ITGB3BP: variants seen among roughly 807,000 people sequenced by gnomAD.
ITGB3BP encodes the protein centromere protein R.
In ITGB3BP, 27 loss-of-function variants were observed where a neutral mutation model predicts 29.1. The observed-to-expected ratio is 0.93, with a 90% CI of 0.68 to 1.28. The LOEUF (loss-of-function observed/expected upper bound fraction) is 1.28. Ranked by LOEUF, ITGB3BP falls within the 50% of genes most tolerant of loss-of-function variation. The pLI is 0.00. For synonymous variants in ITGB3BP, 61 were observed against 61.4 expected, an observed-to-expected ratio of 0.99 and a Z score of 0.03; for missense variants, 192 against 200.2, an observed-to-expected ratio of 0.96 and a Z score of 0.25.
intron 4 of ITGB3BP, among the ~76,000 whole-genome samples, chr1:63,475,860 T>C (rs1645329334): frequency 6.6e-6 from 1 of 151,702 alleles, no homozygotes; most frequent in Non-Finnish European, 1.5e-5. Flanking sequence ...TAGCCGTGCA[T>C]GGTAGCGGGT....
intron 4 of ITGB3BP, chr1:63,458,077 A>G (rs1188668969): frequency 6.6e-6 from 1 of 152,180 alleles, no homozygotes; most frequent in African/African-American, 2.4e-5. Flanking sequence ...CACATTCCTC[A>G]AAGAAAAAGT....
At chr1:63,488,184 A>G (rs887826347) in intron 3 of ITGB3BP, among the ~76,000 whole-genome samples, 11 of 152,118 alleles carry the variant, frequency 7.2e-5, no homozygotes, top group African/African-American at 2.7e-4. Flanking sequence ...TAGAAAGTAC[A>G]TATAAATATC....
intron 4 of ITGB3BP, among the ~76,000 whole-genome samples, chr1:63,464,215 T>C (rs1645065267): frequency 2.0e-5 from 3 of 152,194 alleles, no homozygotes; most frequent in South Asian, 4.1e-4. Context: ...TTCAAATGAA[T>C]ACTTCTTCAA....
Position 63,454,924 on chromosome 1 carries a change from A to C in ITGB3BP, c.299T>G (p.Ile100Ser). ...ACTTAAATTTTGCATTATCTCCATG[A>C]TTTCTTCTGACAATTTCTCAACTTT... is the stretch of plus-strand genomic sequence containing the variant. ...LSKVEKLSEE[I>S]MEIMQNLSSI... is the part of the protein sequence containing the mutation. The change falls in exon 5 of 9, where the codon ATC becomes AGC. Residue 100 changes from isoleucine to serine, a missense_variant. Physicochemically the swap from Ile to Ser is moderately radical, Grantham distance 142. Transcript: ENST00000271002. The surrounding 1 kb of genome is among the most constrained non-coding windows in gnomAD (Gnocchi z 4.1). 1 of 1,567,556 alleles carries C rather than the reference A, an allele frequency of 6.4e-7. No homozygotes were observed. Among genetic ancestry groups the C allele is most frequent in the Non-Finnish European group, 8.8e-7 (1 of 1,138,980 alleles).
chr1:63,514,944 CAAAAAA>C (rs55738892), intron 1 of ITGB3BP, among the ~76,000 whole-genome samples: 7 of 117,102 alleles, frequency 6.0e-5, no homozygotes, highest in Admixed American at 2.5e-4. Flanking sequence ...GACTCTGTCT[CAAAAAA>C]AAAAAAAAAA....
At chr1:63,525,283 T>C (rs1426916312), upstream of ITGB3BP, among the ~76,000 whole-genome samples, 1 of 152,164 alleles carries the variant, frequency 6.6e-6, no homozygotes, top group African/African-American at 2.4e-5. Flanking sequence ...TTTTGGCTAT[T>C]ATCACATATT....
chr1:63,474,545 G>A (rs1645295220), intron 4 of ITGB3BP, among the ~76,000 whole-genome samples: 2 of 150,406 alleles, frequency 1.3e-5, no homozygotes, highest in South Asian at 4.2e-4. Context: ...ATTTTGTTCT[G>A]TACTAAGAAA....
intron 4 of ITGB3BP, among the ~76,000 whole-genome samples, chr1:63,466,009 C>CT (rs1314614504): frequency 2.0e-5 from 3 of 152,026 alleles, no homozygotes; most frequent in Non-Finnish European, 4.4e-5. Context: ...GTAAGAATGA[C>CT]TAACAATGAT....
chr1:63,477,137 G>A (rs879896595), intron 4 of ITGB3BP, among the ~76,000 whole-genome samples: 7 of 152,172 alleles, frequency 4.6e-5, no homozygotes, highest in Non-Finnish European at 8.8e-5. Flanking sequence ...AGATGGAGGA[G>A]ATGCCAAACA....
At chr1:63,482,052 T>C (rs1473205953) in intron 3 of ITGB3BP, among the ~76,000 whole-genome samples, 2 of 151,794 alleles carry the variant, frequency 1.3e-5, no homozygotes. Flanking sequence ...GCAGGTGGAT[T>C]GCCTGAGCTC....
At chr1:63,444,269 C>A (rs1451564982) in intron 8 of ITGB3BP, among the ~76,000 whole-genome samples, 1 of 152,038 alleles carries the variant, frequency 6.6e-6, no homozygotes, top group Admixed American at 6.6e-5. Flanking sequence ...CAGAGATTAT[C>A]AAACACTAAA....
intron 4 of ITGB3BP, among the ~76,000 whole-genome samples, chr1:63,463,893 G>A (rs921247054): frequency 3.3e-5 from 5 of 152,172 alleles, no homozygotes; most frequent in South Asian, 2.1e-4. Flanking sequence ...ATTTCAGGAC[G>A]TATTCATCAG....
intron 1 of ITGB3BP, among the ~76,000 whole-genome samples, chr1:63,520,518 CAA>C (rs2100833830): frequency 6.6e-6 from 1 of 152,008 alleles, no homozygotes; most frequent in East Asian, 1.9e-4. Context: ...TCCAAAGGAT[CAA>C]AGAGAAGGCA....
chr1:63,465,990 T>G (rs1432861204), intron 4 of ITGB3BP, among the ~76,000 whole-genome samples: 1 of 152,170 alleles, frequency 6.6e-6, no homozygotes, highest in Non-Finnish European at 1.5e-5. Context: ...ACCCAAGATG[T>G]TTTTATCTGT....
intron 4 of ITGB3BP, among the ~76,000 whole-genome samples, chr1:63,466,782 C>T (rs1324665447): frequency 6.6e-6 from 1 of 152,148 alleles, no homozygotes; most frequent in Admixed American, 6.5e-5. Flanking sequence ...ACAAAAAATA[C>T]CTTACTTGTA....
chr1:63,472,157 C>A (rs1366568893), intron 4 of ITGB3BP, among the ~76,000 whole-genome samples: 1 of 151,402 alleles, frequency 6.6e-6, no homozygotes, highest in African/African-American at 2.4e-5. Flanking sequence ...TTGGCATTTC[C>A]ATTATTTTTC....
intron 8 of ITGB3BP, among the ~76,000 whole-genome samples, chr1:63,446,342 T>C (rs1226556506): frequency 6.6e-6 from 1 of 152,234 alleles, no homozygotes; most frequent in Non-Finnish European, 1.5e-5. Context: ...CAATAGGAAT[T>C]GTTCTGAAGG....
chr1:63,503,988 C>T lies in ITGB3BP; in HGVS notation c.48+4540G>A, dbSNP rs535574149. On this transcript the variant is annotated intron_variant, in intron 2 of 8. Transcript: ENST00000271002. ...TTCTTTTGGCTTAGGATTGACTTGG[C>T]GATGCAGGCTCTTTTTTGGTTCCAT... 3.4e-4 allele frequency among the ~76,000 whole-genome samples: 52 copies of T among 151,916 alleles called. 1 individual carries two copies. Among genetic ancestry groups the T allele is most frequent in the Admixed American group, 7.9e-4 (12 of 15,252 alleles).
chr1:63,503,914 A>G (rs1049618488), intron 2 of ITGB3BP, among the ~76,000 whole-genome samples: 1 of 149,924 alleles, frequency 6.7e-6, no homozygotes, highest in Non-Finnish European at 1.5e-5. Flanking sequence ...TGGTTACTGT[A>G]GCCTTGTAGT....
Sources: gnomAD v4.1 joint callset for allele counts (sites outside exome capture counted in the v4.1 genomes callset) on GRCh38, gnomAD v4.1.1 for gene constraint, Gnocchi (gnomAD v3.1) non-coding constraint, MANE v1.5 for transcripts, NCBI Gene and HGNC (gene_info 2026-07-23, HGNC 2026-07-21) for gene names.